The following ZFHX3 variants were observed in gnomAD, a reference collection of about 807,000 sequenced individuals.
The protein encoded by ZFHX3 is zinc finger homeobox 3, also known as zinc finger homeobox protein 3.
ZFHX3 carries 42 observed loss-of-function variants against 279.1 expected under a neutral mutation model. That is an observed-to-expected ratio of 0.15 (90% CI 0.12 to 0.19). ZFHX3 has a LOEUF of 0.19. Ranked by LOEUF, ZFHX3 falls within the 10% of genes least tolerant of loss-of-function variation. The pLI, the probability that ZFHX3 is intolerant of heterozygous loss-of-function variation, is 1.00. For missense variants in ZFHX3, 4,981 were observed against 4,754.0 expected (o/e 1.05, Z -1.40); for synonymous variants, 2,293 against 1,957.8 (o/e 1.17, Z -4.52).
intron 5 of ZFHX3, among the ~76,000 whole-genome samples, chr16:73,151,881 A>T (rs1041570275): frequency 1.7e-4 from 3 of 17,802 alleles, no homozygotes; most frequent in African/African-American, 6.5e-4. Flanking sequence ...GCAAAAAACA[A>T]AAAAAAAAAA....
At chr16:73,607,047 T>G (rs569522148) in intron 2 of ZFHX3, among the ~76,000 whole-genome samples, 9 of 152,284 alleles carry the variant, frequency 5.9e-5, no homozygotes, top group African/African-American at 2.2e-4. Context: ...TGCTTTTTTT[T>G]GAGATAGAAT....
At chr16:73,441,697 G>A (rs960700491) in intron 3 of ZFHX3, among the ~76,000 whole-genome samples, 6 of 152,116 alleles carry the variant, frequency 3.9e-5, no homozygotes, top group Non-Finnish European at 7.3e-5. Flanking sequence ...CTGGGAGTCA[G>A]TGACAACATG....
chr16:72,913,367 T>C (rs2144197131), intron 3 of ZFHX3, among the ~76,000 whole-genome samples: 1 of 152,340 alleles, frequency 6.6e-6, no homozygotes, highest in East Asian at 1.9e-4. Context: ...TCTTTCCTTG[T>C]CCTGAAAGAC....
chr16:73,759,049 G>A (rs956826763), intron 1 of ZFHX3, among the ~76,000 whole-genome samples: 16 of 152,172 alleles, frequency 1.1e-4, no homozygotes, highest in African/African-American at 3.9e-4. Context: ...GATGCCATTG[G>A]TGATTCATAC....
chr16:72,788,773 C>A lies in ZFHX3; in HGVS notation c.9503G>T (p.Gly3168Val), dbSNP rs375370132. Residue 3168 changes from glycine to valine, a missense_variant, in exon 10 of 10, where the codon GGA (glycine) becomes GTA (valine). This residue lies in a region of ZFHX3 where 1,034 missense variants were observed against 786.0 expected (regional missense o/e 1.32). Transcript: ENST00000268489. ...TVPSPGLPTS[G>V]LPNKPSSASL... The stretch of plus-strand genomic sequence containing the variant: ...CGCTGAGGACGGTTTATTTGGTAAT[C>A]CAGAAGTGGGGAGGCCAGGGGAAGG... 20 of 1,558,476 alleles carry A rather than the reference C, an allele frequency of 1.3e-5. No homozygotes were observed. The highest frequency in any genetic ancestry group is 1.6e-5 in the Non-Finnish European group (18 of 1,154,476).
chr16:72,805,000 G>T (rs7203453), intron 7 of ZFHX3, among the ~76,000 whole-genome samples: 127,936 of 152,130 alleles, frequency 0.84, 54,300 homozygotes, highest in East Asian at 0.96. Flanking sequence ...ATTTTTCAGA[G>T]GGAGTTTCGC....
Position 73,749,133 on chromosome 16 carries a change from C to T in ZFHX3, c.-1607-68893G>A, listed in dbSNP as rs546200640. Among the ~76,000 whole-genome samples, 147 of 152,224 alleles carry T rather than the reference C, an allele frequency of 9.7e-4. 5 individuals carry two copies. The highest frequency in any genetic ancestry group is 3.2e-3 in the African/African-American group (133 of 41,530). ...TACCAATCTTTCAGCCTTCCAAATACACTAGATCCCGCCATATTGGACCAC... is the reference window on the plus strand; with the variant it reads ...TACCAATCTTTCAGCCTTCCAAATATACTAGATCCCGCCATATTGGACCAC... On this transcript the variant is annotated intron_variant, in intron 1 of 17. Transcript: ENST00000641206.
intron 2 of ZFHX3, among the ~76,000 whole-genome samples, chr16:73,542,987 G>C (rs888934004): frequency 1.3e-5 from 2 of 152,120 alleles, no homozygotes; most frequent in Non-Finnish European, 2.9e-5. Context: ...GAGAAGATCA[G>C]ATGAGCTTTG....
chr16:73,816,358 A>C (rs1191633474), intron 1 of ZFHX3, among the ~76,000 whole-genome samples: 1 of 152,202 alleles, frequency 6.6e-6, no homozygotes, highest in African/African-American at 2.4e-5. Flanking sequence ...TAGGAAAGTG[A>C]GTATGACTTG....
At chr16:73,729,230 A>C (rs1207042466) in intron 1 of ZFHX3, among the ~76,000 whole-genome samples, 1 of 152,136 alleles carries the variant, frequency 6.6e-6, no homozygotes, top group Non-Finnish European at 1.5e-5. Flanking sequence ...CCTCCCTTAC[A>C]ACACACCTGG....
intron 1 of ZFHX3, among the ~76,000 whole-genome samples, chr16:73,882,794 C>CA (rs776754772): frequency 1.3e-5 from 2 of 151,804 alleles, no homozygotes; most frequent in Non-Finnish European, 2.9e-5. Flanking sequence ...AACAACTACT[C>CA]AAAAAAAGTT....
intron 4 of ZFHX3, among the ~76,000 whole-genome samples, chr16:73,313,860 C>A (rs1292528810): frequency 6.6e-6 from 1 of 152,200 alleles, no homozygotes; most frequent in Non-Finnish European, 1.5e-5. Flanking sequence ...GTAATCCCAA[C>A]ACTTTGGGAG....
intron 2 of ZFHX3, among the ~76,000 whole-genome samples, chr16:73,652,675 A>T (rs966621235): frequency 1.3e-5 from 2 of 152,178 alleles, no homozygotes; most frequent in Non-Finnish European, 2.9e-5. Context: ...TGTTAAAGGT[A>T]TTGATTAGCT....
At chr16:73,041,889 T>C (rs543597853) in intron 1 of ZFHX3, among the ~76,000 whole-genome samples, 1 of 152,284 alleles carries the variant, frequency 6.6e-6, no homozygotes, top group South Asian at 2.1e-4. Context: ...TGGAAGAGGC[T>C]TGCATTGCTT....
chr16:73,323,776 G>C (rs991409177), intron 3 of ZFHX3, among the ~76,000 whole-genome samples: 1 of 152,210 alleles, frequency 6.6e-6, no homozygotes, highest in Admixed American at 6.5e-5. Flanking sequence ...AAGACTCTGA[G>C]AGAGCAAACA....
rs761660062 is a variant in ZFHX3 at position 72,829,817 on chromosome 16, G to A, written c.3491C>T (p.Ala1164Val). Residue 1164 changes from alanine to valine, a missense_variant, in exon 5 of 10, where the codon GCT (alanine) becomes GTT (valine). Around this residue, in one of 7 missense-constraint regions of ZFHX3, gnomAD observed 1,751 missense variants for 1,770.0 expected, o/e 0.99. Coordinates refer to ENST00000268489, the MANE Select transcript of ZFHX3 (RefSeq NM_006885.4). The stretch of plus-strand genomic sequence containing the variant: ...GTCCTTAGCAAGCTCCTCTGGATCA[G>A]CAGCTGTTTCACTGGGTCCTTCAAC... ...EDVEGPSETAADPEELAKDQE... is the reference protein window; with the variant it reads ...EDVEGPSETAVDPEELAKDQE... The A allele has an allele frequency of 6.9e-5, 112 of 1,614,074 alleles. No individual in the cohort carries two copies. The highest frequency in any genetic ancestry group is 9.3e-5 in the Non-Finnish European group (110 of 1,180,050).
At chr16:73,432,379 A>G (rs56268776) in intron 3 of ZFHX3, among the ~76,000 whole-genome samples, 1,657 of 152,292 alleles carry the variant, frequency 0.011, 31 homozygotes, top group African/African-American at 0.036. Flanking sequence ...ATATTGAAAC[A>G]GACAATATAA....
At chr16:73,410,069 T>C (rs2017436515) in intron 3 of ZFHX3, among the ~76,000 whole-genome samples, 1 of 152,142 alleles carries the variant, frequency 6.6e-6, no homozygotes, top group African/African-American at 2.4e-5. Context: ...GATCTAGTAT[T>C]TGACAGCACC....
chr16:73,045,629 G>A (rs1965265294), intron 1 of ZFHX3, among the ~76,000 whole-genome samples: 2 of 145,712 alleles, frequency 1.4e-5, no homozygotes, highest in African/African-American at 2.5e-5. Flanking sequence ...TGGGGAAGCA[G>A]CATGGATTTA....
Sources: allele counts gnomAD v4.1 joint callset (sites outside exome capture counted in the v4.1 genomes callset), GRCh38; gene constraint gnomAD v4.1.1; regional missense constraint gnomAD v4.1.1; transcripts MANE v1.5; gene names NCBI Gene and HGNC (gene_info 2026-07-23, HGNC 2026-07-21).